The following ADCY2 variants were observed in gnomAD, a reference collection of about 807,000 sequenced individuals.
The protein encoded by ADCY2 is adenylate cyclase type 2.
Under a neutral mutation model 125.2 loss-of-function variants are expected in ADCY2, and 31 were observed. The observed-to-expected ratio is 0.25, with a 90% CI of 0.19 to 0.33. The LOEUF (loss-of-function observed/expected upper bound fraction) is 0.33. ADCY2 is among the 10% of genes least tolerant of loss of function. ADCY2 has a pLI of 1.00. For missense variants in ADCY2, 904 were observed against 1,418.2 expected (o/e 0.64, Z 5.82); for synonymous variants, 512 against 548.4 (o/e 0.93, Z 0.93).
intron 1 of ADCY2, among the ~76,000 whole-genome samples, chr5:7,408,496 T>C (rs1406032638): frequency 6.6e-6 from 1 of 151,752 alleles, no homozygotes; most frequent in African/African-American, 2.4e-5. Context: ...GCCTCCTGAG[T>C]AGCTGGGATT....
intron 7 of ADCY2, among the ~76,000 whole-genome samples, chr5:7,698,634 G>A (rs754118182): frequency 1.1e-4 from 17 of 152,164 alleles, no homozygotes; most frequent in Middle Eastern, 3.4e-3. Context: ...GAGAACATGC[G>A]GTATTTGGTT....
At chr5:7,445,250 T>C (rs1273291793) in intron 2 of ADCY2, among the ~76,000 whole-genome samples, 1 of 152,164 alleles carries the variant, frequency 6.6e-6, no homozygotes. Flanking sequence ...TTTGTCCCCG[T>C]GGGAAGTGTG....
intron 3 of ADCY2, among the ~76,000 whole-genome samples, chr5:7,625,756 G>A (rs932692893): frequency 6.6e-6 from 1 of 152,214 alleles, no homozygotes; most frequent in African/African-American, 2.4e-5. Flanking sequence ...TGCTCCATGT[G>A]TCTCTCATCC....
At chr5:7,661,612 A>G (rs969367055) in intron 4 of ADCY2, among the ~76,000 whole-genome samples, 1 of 152,210 alleles carries the variant, frequency 6.6e-6, no homozygotes, top group African/African-American at 2.4e-5. Context: ...ATGATGTAAT[A>G]CTCAGTGACC....
chr5:7,610,868 T>G (rs574955317), intron 3 of ADCY2, among the ~76,000 whole-genome samples: 1 of 152,346 alleles, frequency 6.6e-6, no homozygotes, highest in South Asian at 2.1e-4. Context: ...TTGTCAAATT[T>G]GATCTAAATA....
chr5:7,727,695 T>G (rs916455408), intron 14 of ADCY2, among the ~76,000 whole-genome samples: 8 of 152,022 alleles, frequency 5.3e-5, no homozygotes, highest in African/African-American at 1.9e-4. Flanking sequence ...TTGTCCAAGT[T>G]CTGTGTGTTA....
intron 17 of ADCY2, among the ~76,000 whole-genome samples, chr5:7,767,757 G>A (rs1024227419): frequency 1.1e-4 from 16 of 151,922 alleles, no homozygotes; most frequent in African/African-American, 1.5e-4. Flanking sequence ...TGGGCCAGGC[G>A]GGGTGGCTCA....
intron 24 of ADCY2, among the ~76,000 whole-genome samples, chr5:7,825,430 T>C (rs377598653): frequency 5.9e-5 from 9 of 152,372 alleles, no homozygotes; most frequent in African/African-American, 2.2e-4. Context: ...ATGTGGCTTG[T>C]AAGCTGCCCA....
intron 4 of ADCY2, among the ~76,000 whole-genome samples, chr5:7,649,255 G>A (rs1739001314): frequency 6.6e-6 from 1 of 152,184 alleles, no homozygotes; most frequent in African/African-American, 2.4e-5. Flanking sequence ...CTTGCATTCT[G>A]ATTTGCCATA....
At chr5:7,765,932 A>G (rs1457570084) in intron 16 of ADCY2, among the ~76,000 whole-genome samples, 3 of 152,166 alleles carry the variant, frequency 2.0e-5, no homozygotes, top group Non-Finnish European at 4.4e-5. Context: ...ACAGACAGCG[A>G]GCGAGCGAGA....
chr5:7,772,239 G>A (rs1743577943), intron 17 of ADCY2, among the ~76,000 whole-genome samples: 1 of 152,184 alleles, frequency 6.6e-6, no homozygotes, highest in Non-Finnish European at 1.5e-5. Context: ...GCCTGCAGTG[G>A]TAAATGGGGA....
At chr5:7,650,663 T>A (rs910008994) in intron 4 of ADCY2, among the ~76,000 whole-genome samples, 12 of 152,308 alleles carry the variant, frequency 7.9e-5, no homozygotes, top group African/African-American at 2.4e-4. Flanking sequence ...TGTTCCAGTA[T>A]TGCTGCTGCT....
At chr5:7,813,085 G>A (rs1480100969) in intron 22 of ADCY2, among the ~76,000 whole-genome samples, 1 of 152,210 alleles carries the variant, frequency 6.6e-6, no homozygotes, top group Non-Finnish European at 1.5e-5. Context: ...CCTCTCCCAG[G>A]TAAGCTGATT....
chr5:7,498,675 T>C (rs1443944195), intron 2 of ADCY2, among the ~76,000 whole-genome samples: 2 of 152,228 alleles, frequency 1.3e-5, no homozygotes, highest in Non-Finnish European at 2.9e-5. Context: ...TTCCTCAGTT[T>C]ATATTCAACA....
chr5:7,553,536 G>T (rs976129766), intron 3 of ADCY2, among the ~76,000 whole-genome samples: 7 of 152,188 alleles, frequency 4.6e-5, no homozygotes, highest in Non-Finnish European at 8.8e-5. Context: ...CAAAACAATA[G>T]CTCACCTGCC....
chr5:7,515,567 T>TA (rs1285871514), intron 2 of ADCY2, among the ~76,000 whole-genome samples: 4 of 152,158 alleles, frequency 2.6e-5, no homozygotes, highest in African/African-American at 9.7e-5. Flanking sequence ...ATCTACTAAA[T>TA]AAAGAAATGG....
chr5:7,491,217 A>G (rs1743151091), intron 2 of ADCY2, among the ~76,000 whole-genome samples: 1 of 152,198 alleles, frequency 6.6e-6, no homozygotes, highest in Non-Finnish European at 1.5e-5. Flanking sequence ...GTATTCTCAC[A>G]TATCTGTGCT....
chr5:7,649,277 G>T (rs1442049912), intron 4 of ADCY2, among the ~76,000 whole-genome samples: 1 of 152,132 alleles, frequency 6.6e-6, no homozygotes, highest in Non-Finnish European at 1.5e-5. Context: ...GATTAAGCCT[G>T]GACATTTGAG....
At chr5:7,798,095 G>A (rs987535217) in intron 20 of ADCY2, 2 of 152,338 alleles carry the variant, frequency 1.3e-5, no homozygotes, top group Non-Finnish European at 2.9e-5. Context: ...AAGAGAATTG[G>A]TGTAGGGTTA....
Sources: gnomAD v4.1 joint callset for allele counts (sites outside exome capture counted in the v4.1 genomes callset) on GRCh38, gnomAD v4.1.1 for gene constraint, MANE v1.5 for transcripts, NCBI Gene and HGNC (gene_info 2026-07-23, HGNC 2026-07-21) for gene names.